Variants in TENM3 observed in about 807,000 individuals in gnomAD.
TENM3 encodes teneurin-3.
Under a neutral mutation model 255.1 loss-of-function variants are expected in TENM3, and 63 were observed. The ratio of observed to expected loss-of-function variants is 0.25; its 90% confidence interval spans 0.20 to 0.30. The LOEUF is 0.30. Ranked by LOEUF, TENM3 falls within the 10% of genes least tolerant of loss-of-function variation. The pLI, the probability that TENM3 is intolerant of heterozygous loss-of-function variation, is 1.00. For synonymous variants in TENM3, 1,306 were observed against 1,322.3 expected, an observed-to-expected ratio of 0.99 and a Z score of 0.27; for missense variants, 2,929 against 3,461.1, an observed-to-expected ratio of 0.85 and a Z score of 3.86.
At chr4:182,750,742 A>G (rs1762311717) in intron 19 of TENM3, among the ~76,000 whole-genome samples, 1 of 152,130 alleles carries the variant, frequency 6.6e-6, no homozygotes, top group Non-Finnish European at 1.5e-5. Context: ...GGAGAGGAAG[A>G]GAGGGAATGA....
chr4:181,499,216 T>C, the TENM3 span, among the ~76,000 whole-genome samples: 1 of 152,226 alleles, frequency 6.6e-6, no homozygotes, highest in African/African-American at 2.4e-5. Context: ...AACCAGATGC[T>C]TCCCACGTGA....
chr4:182,567,072 T>TA (rs1452693648), intron 3 of TENM3, among the ~76,000 whole-genome samples: 3 of 152,200 alleles, frequency 2.0e-5, no homozygotes, highest in Admixed American at 2.0e-4. Context: ...AACTTCTAAA[T>TA]AGAGAGGTAA....
chr4:181,469,947 T>C, the TENM3 span, among the ~76,000 whole-genome samples: 18 of 152,118 alleles, frequency 1.2e-4, no homozygotes, highest in East Asian at 3.1e-3. Context: ...AGTCTGATTA[T>C]TATGTACAGC....
At position 182,594,244 on chromosome 4, in the gene TENM3, A is replaced by G. The variant is rs1253103233; in HGVS notation, c.512-6680A>G. Among the ~76,000 whole-genome samples the G allele has an allele frequency of 6.6e-5, 10 of 152,270 alleles. No individual in the cohort carries two copies. The East Asian group carries it at 1.5e-3, about 24-fold the overall frequency. ...GCTCAATCTGGTCTGGACTCACACA[A>G]TCTTCCTGCCTCAACCTCCCCAAGT... On this transcript the variant is annotated intron_variant, in intron 3 of 27. Transcript: ENST00000511685.
intron 3 of TENM3, among the ~76,000 whole-genome samples, chr4:182,453,311 G>A (rs78474578): frequency 0.032 from 4,920 of 152,182 alleles, 122 homozygotes; most frequent in South Asian, 0.12. Context: ...TGGTACGATG[G>A]TAAATTCATT....
the TENM3 span, among the ~76,000 whole-genome samples, chr4:182,025,020 A>ATTTTTTTTTTTTTTTTTTTTTTTTTTT: frequency 9.9e-5 from 12 of 121,146 alleles, no homozygotes; most frequent in African/African-American, 4.0e-4. Flanking sequence ...ACAGGATTTC[A>ATTTTTTTTTTTTTTTTTTTTTTTTTTT]TTTTTTTTTT....
At chr4:181,482,899 A>G in the TENM3 span, among the ~76,000 whole-genome samples, 9,204 of 152,194 alleles carry the variant, frequency 0.06, 789 homozygotes, top group African/African-American at 0.19. Context: ...ATTCTTCTTG[A>G]CATACGGTGT....
chr4:181,819,050 C>G, the TENM3 span, among the ~76,000 whole-genome samples: 512 of 152,310 alleles, frequency 3.4e-3, 4 homozygotes, highest in African/African-American at 0.012. Flanking sequence ...CCACCTGCCT[C>G]TGGCTCTTCA....
intron 1 of TENM3, among the ~76,000 whole-genome samples, chr4:182,186,195 T>C (rs576823659): frequency 6.6e-6 from 1 of 152,338 alleles, no homozygotes; most frequent in Non-Finnish European, 1.5e-5. Context: ...CAAGTGTGTG[T>C]GCATGTGTGT....
the TENM3 span, among the ~76,000 whole-genome samples, chr4:181,605,562 GAAA>G: frequency 3.3e-3 from 91 of 27,174 alleles, 5 homozygotes; most frequent in African/African-American, 5.9e-3. Context: ...AAGAAAGAAA[GAAA>G]GAAAGAGAGA....
At chr4:182,195,649 A>T (rs1462956440) in intron 1 of TENM3, among the ~76,000 whole-genome samples, 2 of 152,158 alleles carry the variant, frequency 1.3e-5, no homozygotes, top group Non-Finnish European at 2.9e-5. Context: ...CTTAAAAAAT[A>T]TAAAAAAACC....
the TENM3 span, among the ~76,000 whole-genome samples, chr4:181,784,815 G>A: frequency 6.6e-6 from 1 of 152,060 alleles, no homozygotes; most frequent in Non-Finnish European, 1.5e-5. Flanking sequence ...CCATTTTTAA[G>A]TTTATTCAAC....
chr4:182,486,487 G>T (rs1383359046), intron 3 of TENM3, among the ~76,000 whole-genome samples: 1 of 152,144 alleles, frequency 6.6e-6, no homozygotes, highest in East Asian at 1.9e-4. Context: ...GTTTATAGCT[G>T]CCAATCACTG....
At chr4:181,944,412 G>A in the TENM3 span, among the ~76,000 whole-genome samples, 5 of 150,270 alleles carry the variant, frequency 3.3e-5, no homozygotes, top group Admixed American at 2.0e-4. Context: ...CGAATGGGAT[G>A]TTGAGCACCC....
chr4:181,907,189 A>G, the TENM3 span, among the ~76,000 whole-genome samples: 1 of 152,210 alleles, frequency 6.6e-6, no homozygotes, highest in East Asian at 1.9e-4. Context: ...GCAGATAGGT[A>G]TTTCTCTGTC....
intron 2 of TENM3, among the ~76,000 whole-genome samples, chr4:182,327,533 G>T (rs1396425582): frequency 2.0e-5 from 3 of 152,106 alleles, no homozygotes; most frequent in African/African-American, 7.2e-5. Flanking sequence ...GGTTTTGTAT[G>T]GCTTTACTGA....
intron 18 of TENM3, among the ~76,000 whole-genome samples, chr4:182,739,959 C>G (rs745460196): frequency 6.6e-6 from 1 of 152,110 alleles, no homozygotes; most frequent in Non-Finnish European, 1.5e-5. Context: ...TCTCTGGAAC[C>G]CAGGAGGCAG....
chr4:181,812,280 C>T, the TENM3 span, among the ~76,000 whole-genome samples: 1 of 152,092 alleles, frequency 6.6e-6, no homozygotes, highest in East Asian at 1.9e-4. Context: ...CTTTTTTCCT[C>T]CTAATACCTT....
At chr4:181,857,101 C>T in the TENM3 span, among the ~76,000 whole-genome samples, 26,427 of 151,938 alleles carry the variant, frequency 0.17, 4,415 homozygotes, top group East Asian at 0.43. Context: ...TACTTAATAA[C>T]TGAGATTATT....
Sources: allele counts gnomAD v4.1 joint callset (sites outside exome capture counted in the v4.1 genomes callset), GRCh38; gene constraint gnomAD v4.1.1; transcripts MANE v1.5; gene names NCBI Gene and HGNC (gene_info 2026-07-23, HGNC 2026-07-21).